The following HS6ST3 variants were observed in gnomAD, a reference collection of about 807,000 sequenced individuals.
HS6ST3 encodes heparan sulfate 6-O-sulfotransferase 3.
Under a neutral mutation model 36.7 loss-of-function variants are expected in HS6ST3, and 12 were observed. That is an observed-to-expected ratio of 0.33 (90% CI 0.21 to 0.53). The LOEUF (loss-of-function observed/expected upper bound fraction) is 0.53, where lower values mean the gene tolerates loss of function less well. Ranked by LOEUF, HS6ST3 falls within the 20% of genes least tolerant of loss-of-function variation. The pLI is 0.95. For synonymous variants in HS6ST3, 240 were observed against 257.5 expected, an observed-to-expected ratio of 0.93 and a Z score of 0.65; for missense variants, 584 against 640.9, an observed-to-expected ratio of 0.91 and a Z score of 0.96.
At chr13:96,379,187 C>CA (rs571597978) in intron 1 of HS6ST3, among the ~76,000 whole-genome samples, 4 of 151,996 alleles carry the variant, frequency 2.6e-5, no homozygotes, top group East Asian at 1.9e-4. Context: ...AATGATTTAA[C>CA]AAAAAAAATC....
chr13:96,644,037 A>G (rs996478634), intron 1 of HS6ST3, among the ~76,000 whole-genome samples: 5 of 151,952 alleles, frequency 3.3e-5, no homozygotes, highest in African/African-American at 1.2e-4. Flanking sequence ...TTTATGAAAG[A>G]TAATCTTTTT....
At chr13:96,726,812 T>C (rs1475569570) in intron 1 of HS6ST3, among the ~76,000 whole-genome samples, 1 of 152,180 alleles carries the variant, frequency 6.6e-6, no homozygotes, top group Non-Finnish European at 1.5e-5. Flanking sequence ...TGTCTTCTCA[T>C]TTACATTATT....
At chr13:96,529,645 T>C (rs1449513447) in intron 1 of HS6ST3, among the ~76,000 whole-genome samples, 2 of 152,204 alleles carry the variant, frequency 1.3e-5, no homozygotes. Flanking sequence ...GCCATTATTC[T>C]CAAGTTTGCC....
chr13:96,345,852 A>G (rs2055151446), intron 1 of HS6ST3, among the ~76,000 whole-genome samples: 2 of 152,192 alleles, frequency 1.3e-5, no homozygotes, highest in African/African-American at 2.4e-5. Context: ...AAAAAATATA[A>G]TCACCAAAAA....
chr13:96,159,503 C>G (rs2054126363), intron 1 of HS6ST3, among the ~76,000 whole-genome samples: 1 of 152,168 alleles, frequency 6.6e-6, no homozygotes, highest in African/African-American at 2.4e-5. Context: ...CGGGTCACAT[C>G]TTTCCAATGT....
intron 1 of HS6ST3, among the ~76,000 whole-genome samples, chr13:96,343,484 G>C (rs956156467): frequency 2.0e-5 from 3 of 152,104 alleles, no homozygotes; most frequent in Admixed American, 6.6e-5. Context: ...GGATTCTTGT[G>C]ATTACATTGG....
At chr13:96,744,571 A>G (rs1876519349) in intron 1 of HS6ST3, among the ~76,000 whole-genome samples, 1 of 152,102 alleles carries the variant, frequency 6.6e-6, no homozygotes, top group Non-Finnish European at 1.5e-5. Flanking sequence ...AACCGTATGA[A>G]TAACTGTTTG....
chr13:96,153,248 A>G (rs1250936175), intron 1 of HS6ST3, among the ~76,000 whole-genome samples: 2 of 152,212 alleles, frequency 1.3e-5, no homozygotes, highest in African/African-American at 2.4e-5. Context: ...AGCCCTCATT[A>G]CAGGCGTTGA....
chr13:96,117,363 C>G (rs182742902), intron 1 of HS6ST3, among the ~76,000 whole-genome samples: 48 of 152,138 alleles, frequency 3.2e-4, no homozygotes, highest in Non-Finnish European at 6.5e-4. Flanking sequence ...ATAAGTATCA[C>G]AAAGGGAAAA....
At chr13:96,313,506 C>G (rs1316614910) in intron 1 of HS6ST3, among the ~76,000 whole-genome samples, 5 of 152,014 alleles carry the variant, frequency 3.3e-5, no homozygotes, top group African/African-American at 1.2e-4. Flanking sequence ...TTCATTTTGT[C>G]TTAGACAATT....
chr13:96,164,368 A>G (rs1011035552), intron 1 of HS6ST3, among the ~76,000 whole-genome samples: 7 of 152,218 alleles, frequency 4.6e-5, no homozygotes, highest in Middle Eastern at 3.4e-3. Context: ...AGCCTGGACA[A>G]AACAGTGAGA....
chr13:96,546,571 T>C (rs1325945473), intron 1 of HS6ST3, among the ~76,000 whole-genome samples: 1 of 152,240 alleles, frequency 6.6e-6, no homozygotes, highest in Non-Finnish European at 1.5e-5. Context: ...AGCTTTACAA[T>C]GTGCCTAACA....
chr13:96,481,711 G>C (rs113906094), intron 1 of HS6ST3, among the ~76,000 whole-genome samples: 3,080 of 152,226 alleles, frequency 0.02, 36 homozygotes, highest in Non-Finnish European at 0.032. Flanking sequence ...GCCTCTCTAA[G>C]CCTCAGGTGA....
intron 1 of HS6ST3, among the ~76,000 whole-genome samples, chr13:96,268,189 A>G (rs576332136): frequency 2.0e-5 from 3 of 151,932 alleles, no homozygotes; most frequent in Admixed American, 1.3e-4. Flanking sequence ...GGGAAACACA[A>G]TTTAGTCCTG....
chr13:96,528,356 CA>C (rs1181740444), intron 1 of HS6ST3, among the ~76,000 whole-genome samples: 2 of 152,004 alleles, frequency 1.3e-5, no homozygotes, highest in Non-Finnish European at 2.9e-5. Flanking sequence ...TTGAGGAAAA[CA>C]AATGACATTA....
At chr13:96,712,554 G>A (rs185619094) in intron 1 of HS6ST3, among the ~76,000 whole-genome samples, 1 of 152,108 alleles carries the variant, frequency 6.6e-6, no homozygotes, top group Non-Finnish European at 1.5e-5. Flanking sequence ...TAATAAACTC[G>A]CCACCAGCAC....
intron 1 of HS6ST3, among the ~76,000 whole-genome samples, chr13:96,567,489 TATGC>T (rs1268553868): frequency 6.6e-6 from 1 of 152,198 alleles, no homozygotes; most frequent in African/African-American, 2.4e-5. Context: ...AAAAATTTTA[TATGC>T]ATCACTCTAT....
chr13:96,136,450 G>A (rs2054002123), intron 1 of HS6ST3, among the ~76,000 whole-genome samples: 1 of 151,924 alleles, frequency 6.6e-6, no homozygotes, highest in African/African-American at 2.4e-5. Flanking sequence ...AGAGAGAAGG[G>A]GGAGGTGCTG....
chr13:96,723,325 G>T (rs546735030), intron 1 of HS6ST3, among the ~76,000 whole-genome samples: 62 of 152,200 alleles, frequency 4.1e-4, no homozygotes, highest in African/African-American at 1.4e-3. Flanking sequence ...AGGTTCTCCA[G>T]CAGAAACCCC....
Sources: gnomAD v4.1 joint callset for allele counts (sites outside exome capture counted in the v4.1 genomes callset) on GRCh38, gnomAD v4.1.1 for gene constraint, MANE v1.5 for transcripts, NCBI Gene and HGNC (gene_info 2026-07-23, HGNC 2026-07-21) for gene names.